MYPN: variants seen among roughly 807,000 people sequenced by gnomAD.
The protein encoded by MYPN is myopalladin.
In MYPN, 63 loss-of-function variants were observed where a neutral mutation model predicts 129.4. The ratio of observed to expected loss-of-function variants is 0.49; its 90% CI spans 0.40 to 0.60. The LOEUF (loss-of-function observed/expected upper bound fraction) is 0.60. Among genes scored for constraint, MYPN ranks in the 20% least tolerant of loss-of-function variants. MYPN has a pLI of 0.00. For synonymous variants in MYPN, 629 were observed against 600.9 expected (o/e 1.05, Z -0.68); for missense variants, 1,596 against 1,635.4 (o/e 0.98, Z 0.42).
intron 6 of MYPN, 120 bp downstream of exon 6, chr10:68,150,231 G>T: frequency 1.2e-6 from 1 of 867,472 alleles, no homozygotes; most frequent in Non-Finnish European, 1.9e-6. Flanking sequence ...GTACGGTATA[G>T]GGTTTGGGTT....
At chr10:68,149,636 A>G (rs1239109243) in intron 5 of MYPN, among the ~76,000 whole-genome samples, 1 of 152,142 alleles carries the variant, frequency 6.6e-6, no homozygotes, top group African/African-American at 2.4e-5. Flanking sequence ...GTATTTAAAT[A>G]TATTTATCTA....
At chr10:68,090,319 C>T (rs537217508) in intron 1 of MYPN, among the ~76,000 whole-genome samples, 2 of 152,248 alleles carry the variant, frequency 1.3e-5, no homozygotes, top group Admixed American at 6.5e-5. Context: ...CCCACCACCA[C>T]ATCCGGCTGA....
intron 2 of MYPN, among the ~76,000 whole-genome samples, chr10:68,123,871 A>AT (rs1564648892): frequency 2.0e-5 from 3 of 152,096 alleles, no homozygotes; most frequent in East Asian, 1.9e-4. Context: ...TACCTGCAGT[A>AT]TTTTTTTAAA....
At chr10:68,151,130 A>G (rs1302897910) in intron 6 of MYPN, among the ~76,000 whole-genome samples, 1 of 152,170 alleles carries the variant, frequency 6.6e-6, no homozygotes, top group African/African-American at 2.4e-5. Context: ...GAAGCTGAGA[A>G]ATCCTGGTTT....
chr10:68,205,617 G>C (rs1012474278), intron 18 of MYPN, among the ~76,000 whole-genome samples: 2 of 151,302 alleles, frequency 1.3e-5, no homozygotes, highest in South Asian at 4.2e-4. Flanking sequence ...AACCTGGGAG[G>C]GGGAGGGTGC....
At chr10:68,195,564 C>T (rs1564695012) in intron 15 of MYPN, 32 bp downstream of exon 15, 1 of 1,573,482 alleles carries the variant, frequency 6.4e-7, no homozygotes, top group Non-Finnish European at 8.7e-7. Flanking sequence ...CCTCTCTAGG[C>T]CCTTCCCAAG....
intron 10 of MYPN, among the ~76,000 whole-genome samples, chr10:68,172,552 ACT>A (rs1039489770): frequency 7.2e-5 from 11 of 152,092 alleles, no homozygotes; most frequent in African/African-American, 2.4e-4. Context: ...TTAAAAAATA[ACT>A]CTTTTGTGAA....
intron 12 of MYPN, among the ~76,000 whole-genome samples, chr10:68,181,742 G>T (rs2043316268): frequency 6.6e-6 from 1 of 152,018 alleles, no homozygotes; most frequent in African/African-American, 2.4e-5. Flanking sequence ...CTTCCACTTT[G>T]CCCATCAGCA....
At chr10:68,208,503 C>T (rs2043853505) in intron 19 of MYPN, among the ~76,000 whole-genome samples, 1 of 152,140 alleles carries the variant, frequency 6.6e-6, no homozygotes, top group Non-Finnish European at 1.5e-5. Context: ...TGATATGTTC[C>T]TTAATCAAGG....
intron 4 of MYPN, among the ~76,000 whole-genome samples, chr10:68,146,813 T>C (rs1443561546): frequency 2.0e-5 from 3 of 152,200 alleles, no homozygotes; most frequent in Admixed American, 1.3e-4. Context: ...AACCAGAAAG[T>C]ACCCATGTGG....
intron 8 of MYPN, chr10:68,161,962 AG>A (rs1467756778): frequency 9.1e-6 from 4 of 439,812 alleles, no homozygotes; most frequent in African/African-American, 2.0e-5. Context: ...CAGAAGTTCA[AG>A]ACCAGCCTGG....
At chr10:68,141,253 C>G (rs2042573482) in intron 2 of MYPN, among the ~76,000 whole-genome samples, 1 of 152,046 alleles carries the variant, frequency 6.6e-6, no homozygotes, top group Non-Finnish European at 1.5e-5. Flanking sequence ...CCTGTAGCCC[C>G]TGCTACTCGG....
chr10:68,208,755 G>A (rs2043857697), intron 19 of MYPN, among the ~76,000 whole-genome samples: 1 of 152,104 alleles, frequency 6.6e-6, no homozygotes, highest in South Asian at 2.1e-4. Context: ...GAGGACGCGT[G>A]GAGGACTTGG....
At chr10:68,135,607 CAATT>C in intron 2 of MYPN, 1 of 475,028 alleles carries the variant, frequency 2.1e-6, no homozygotes, top group Non-Finnish European at 2.7e-6. Context: ...TGGGCAAAGA[CAATT>C]AAAGGAAAGT....
intron 19 of MYPN, among the ~76,000 whole-genome samples, chr10:68,209,008 T>C (rs2043862541): frequency 6.6e-6 from 1 of 152,166 alleles, no homozygotes; most frequent in Non-Finnish European, 1.5e-5. Flanking sequence ...CCTCCAAATT[T>C]TGATTTTTCT....
intron 15 of MYPN, 141 bp downstream of exon 15, chr10:68,195,673 T>C: frequency 1.3e-6 from 1 of 744,144 alleles, no homozygotes; most frequent in African/African-American, 1.7e-5. Flanking sequence ...GGGCGTTGGT[T>C]GGAAATGCAG....
chr10:68,093,494 T>C (rs1235216600), intron 1 of MYPN, among the ~76,000 whole-genome samples: 1 of 150,540 alleles, frequency 6.6e-6, no homozygotes, highest in Non-Finnish European at 1.5e-5. Flanking sequence ...ATCCCAGCAC[T>C]TTGGGAAGGC....
chr10:68,123,712 A>AATAAATAC (rs1171753710), intron 2 of MYPN, among the ~76,000 whole-genome samples: 1 of 151,094 alleles, frequency 6.6e-6, no homozygotes, highest in African/African-American at 2.4e-5. Flanking sequence ...TAAATAAATA[A>AATAAATAC]ATAAATAAAT....
chr10:68,145,547 T>C, intron 4 of MYPN, 21 bp downstream of exon 4: 2 of 1,603,416 alleles, frequency 1.2e-6, no homozygotes, highest in Non-Finnish European at 8.5e-7. Flanking sequence ...TTTTCTGTCT[T>C]ATAGCTTTAG....
Sources: allele counts gnomAD v4.1 joint callset (sites outside exome capture counted in the v4.1 genomes callset), GRCh38; gene constraint gnomAD v4.1.1; transcripts MANE v1.5; gene names NCBI Gene and HGNC (gene_info 2026-07-23, HGNC 2026-07-21).